STK33: variants seen among roughly 807,000 people sequenced by gnomAD.
STK33 encodes the protein serine/threonine-protein kinase 33.
A neutral mutation model predicts 58.0 loss-of-function variants in STK33; 52 were observed. The ratio of observed to expected loss-of-function variants is 0.90; its 90% CI spans 0.72 to 1.13. The LOEUF (loss-of-function observed/expected upper bound fraction) is 1.13. Among genes scored for constraint, STK33 ranks in the 50% most tolerant of loss-of-function variants. STK33 has a pLI of 0.00. For synonymous variants in STK33, 215 were observed against 200.1 expected (o/e 1.07, Z -0.63); for missense variants, 630 against 604.2 (o/e 1.04, Z -0.45).
the STK33 span, among the ~76,000 whole-genome samples, chr11:8,385,141 C>T: frequency 6.6e-6 from 1 of 152,306 alleles, no homozygotes; most frequent in South Asian, 2.1e-4. Context: ...ATTTGATTTC[C>T]AAAACATATT....
chr11:8,366,656 G>A, the STK33 span, among the ~76,000 whole-genome samples: 1 of 152,198 alleles, frequency 6.6e-6, no homozygotes, highest in Non-Finnish European at 1.5e-5. Context: ...CAGGAACAGG[G>A]GCATCCAGTG....
At chr11:8,458,837 T>C (rs1947185225) in intron 8 of STK33, among the ~76,000 whole-genome samples, 1 of 152,248 alleles carries the variant, frequency 6.6e-6, no homozygotes, top group African/African-American at 2.4e-5. Flanking sequence ...TGAAGTCTGA[T>C]TTTGTTCTTA....
At chr11:8,412,848 G>GATGATCTCC in intron 15 of STK33, among the ~76,000 whole-genome samples, 2 of 152,254 alleles carry the variant, frequency 1.3e-5, no homozygotes, top group South Asian at 4.1e-4. Context: ...ACTTTGTCAG[G>GATGATCTCC]ATATCCAGTT....
the STK33 span, among the ~76,000 whole-genome samples, chr11:8,384,472 C>T: frequency 6.6e-6 from 1 of 152,232 alleles, no homozygotes; most frequent in Admixed American, 6.5e-5. Flanking sequence ...ATTAGCCAGG[C>T]CTGCCCACAG....
At chr11:8,518,081 C>A (rs1364748533) in intron 1 of STK33, among the ~76,000 whole-genome samples, 1 of 152,144 alleles carries the variant, frequency 6.6e-6, no homozygotes, top group African/African-American at 2.4e-5. Flanking sequence ...ATGTTAAGGG[C>A]AGCCAGAGAG....
At chr11:8,530,646 T>TA in intron 1 of STK33, among the ~76,000 whole-genome samples, 1 of 152,244 alleles carries the variant, frequency 6.6e-6, no homozygotes, top group African/African-American at 2.4e-5. Flanking sequence ...AAGCCAAACT[T>TA]AAAGGAAACC....
intron 1 of STK33, among the ~76,000 whole-genome samples, chr11:8,540,616 G>C (rs1468843219): frequency 1.3e-5 from 2 of 152,150 alleles, no homozygotes; most frequent in Admixed American, 1.3e-4. Context: ...CAGATATTAT[G>C]CTAAGTGAAA....
chr11:8,352,505 A>C, the STK33 span, among the ~76,000 whole-genome samples: 7 of 152,180 alleles, frequency 4.6e-5, no homozygotes, highest in Admixed American at 3.9e-4. Flanking sequence ...CCAGGGTGTT[A>C]TAATGGAGAG....
intron 5 of STK33, 96 bp from the exon 6 acceptor site, chr11:8,473,372 A>T (rs1948971617): frequency 2.7e-6 from 2 of 734,162 alleles, no homozygotes; most frequent in African/African-American, 1.8e-5. Context: ...TAACTCTTTA[A>T]CGTGTGCCAT....
At chr11:8,506,176 A>G (rs1951850486) in intron 1 of STK33, among the ~76,000 whole-genome samples, 1 of 152,206 alleles carries the variant, frequency 6.6e-6, no homozygotes, top group South Asian at 2.1e-4. Flanking sequence ...CCAACTCAAC[A>G]TAATAATCTA....
chr11:8,524,776 TTAAG>T (rs1476285940), intron 1 of STK33, among the ~76,000 whole-genome samples: 1 of 151,990 alleles, frequency 6.6e-6, no homozygotes, highest in Non-Finnish European at 1.5e-5. Flanking sequence ...ATCAATGACA[TTAAG>T]TAAGGACTTA....
At chr11:8,350,852 G>A in the STK33 span, among the ~76,000 whole-genome samples, 1 of 152,190 alleles carries the variant, frequency 6.6e-6, no homozygotes, top group Admixed American at 6.5e-5. Context: ...AGCCACGGAA[G>A]TGACTGGGAC....
At chr11:8,364,094 G>A in the STK33 span, among the ~76,000 whole-genome samples, 2 of 152,070 alleles carry the variant, frequency 1.3e-5, no homozygotes, top group East Asian at 1.9e-4. Flanking sequence ...GTGTTTTTGC[G>A]AGCGTCACTA....
rs373768941 is a variant in STK33, at chr11:8,546,317, TA to T, written c.-466+47765del. 9.5e-4 allele frequency among the ~76,000 whole-genome samples: 144 copies of T among 152,344 alleles called. 1 individual carries two copies. The highest frequency in any genetic ancestry group is 3.2e-3 in the African/African-American group (135 of 41,580). ...AGCTTACTGTAACTTTTTATTGATA[TA>T]TGATAATTGCACATATTTATGGGGT... On this transcript the variant is annotated intron_variant, in intron 1 of 15. Coordinates refer to ENST00000687296, the MANE Select transcript of STK33 (RefSeq NM_001352389.2).
intron 1 of STK33, among the ~76,000 whole-genome samples, chr11:8,504,730 C>T (rs974336643): frequency 1.4e-4 from 22 of 151,884 alleles, no homozygotes; most frequent in African/African-American, 4.8e-4. Context: ...CCCAGGAGTT[C>T]GAGGCTTCAG....
intron 14 of STK33, among the ~76,000 whole-genome samples, chr11:8,422,534 G>C (rs1942076297): frequency 6.6e-6 from 1 of 152,142 alleles, no homozygotes; most frequent in Non-Finnish European, 1.5e-5. Flanking sequence ...AGTTTAAGAT[G>C]AAAGTATGGT....
the STK33 span, among the ~76,000 whole-genome samples, chr11:8,371,640 CTT>C: frequency 5.0e-4 from 16 of 32,274 alleles, no homozygotes; most frequent in African/African-American, 1.5e-3. Flanking sequence ...TTCCTTCTTT[CTT>C]CCTTTCTTTT....
intron 10 of STK33, among the ~76,000 whole-genome samples, chr11:8,453,886 G>C (rs1301556266): frequency 2.6e-5 from 4 of 152,148 alleles, no homozygotes; most frequent in Non-Finnish European, 4.4e-5. Context: ...TTTCTTTACA[G>C]AAAATCCATT....
At chr11:8,350,346 T>C in the STK33 span, among the ~76,000 whole-genome samples, 5 of 152,044 alleles carry the variant, frequency 3.3e-5, no homozygotes, top group African/African-American at 1.2e-4. Context: ...GAGAGCAACA[T>C]AGAAAGAGCT....
Sources: allele counts gnomAD v4.1 joint callset (sites outside exome capture counted in the v4.1 genomes callset), GRCh38; gene constraint gnomAD v4.1.1; transcripts MANE v1.5; gene names NCBI Gene and HGNC (gene_info 2026-07-23, HGNC 2026-07-21).